CCDC88C: variants seen among roughly 807,000 people sequenced by gnomAD.
CCDC88C encodes the protein coiled-coil and HOOK domain protein 88C.
A neutral mutation model predicts 198.8 loss-of-function variants in CCDC88C; 131 were observed. The observed-to-expected ratio is 0.66, with a 90% CI of 0.57 to 0.76. The LOEUF is 0.76. CCDC88C is among the 30% of genes least tolerant of loss of function. The pLI, the probability that CCDC88C is intolerant of heterozygous loss-of-function variation, is 0.00. For missense variants in CCDC88C, 2,553 were observed against 2,631.6 expected, an observed-to-expected ratio of 0.97 and a Z score of 0.65; for synonymous variants, 1,166 against 1,114.7, an observed-to-expected ratio of 1.05 and a Z score of -0.92.
chr14:91,393,916 C>T (rs769419233), intron 3 of CCDC88C, among the ~76,000 whole-genome samples: 1 of 152,170 alleles, frequency 6.6e-6, no homozygotes, highest in Non-Finnish European at 1.5e-5. Flanking sequence ...AAATTCTCAC[C>T]CTAAAAACAG....
In CCDC88C at chr14:91,280,711, T is replaced by A. The variant is rs148203854; in HGVS notation, c.4699+746A>T. Among the ~76,000 whole-genome samples, 230 of 152,306 alleles carry A rather than the reference T, an allele frequency of 1.5e-3. 1 individual carries two copies. Among genetic ancestry groups the A allele is most frequent in the African/African-American group, 5.3e-3 (222 of 41,560 alleles). ...ATGCACCCAGCACACGAGGCAGATT[T>A]CTTCTGTTGGATTAGCCTCCACTCA... On this transcript the variant is annotated intron_variant, in intron 27 of 29. Coordinates refer to ENST00000389857, the MANE Select transcript of CCDC88C (RefSeq NM_001080414.4).
chr14:91,362,181 C>T (rs1230627306), intron 3 of CCDC88C, among the ~76,000 whole-genome samples: 1 of 151,578 alleles, frequency 6.6e-6, no homozygotes, highest in East Asian at 1.9e-4. Context: ...TCGCAGGGAG[C>T]CGAGATCGCA....
Position 91,338,296 on chromosome 14 carries a change from A to G in CCDC88C, c.892-133T>C. On this transcript the variant is annotated intron_variant, in intron 9 of 29. Coordinates refer to ENST00000389857, the MANE Select transcript of CCDC88C (RefSeq NM_001080414.4). This position sits in a 1 kb window ranked among gnomAD's most constrained non-coding sequence, Gnocchi z 4.8. ...CAGCTCCTGGTGGCCGGGGGCCTCC[A>G]TGTGCCACCACCACACGGGATCTCC... is the stretch of plus-strand genomic sequence containing the variant. 3.6e-6 allele frequency: 4 copies of G among 1,115,952 alleles called. No individual in the cohort carries two copies. The highest frequency in any genetic ancestry group is 5.1e-6 in the Non-Finnish European group (4 of 777,462). 69.1% of individuals were successfully genotyped at this position (1,115,952 alleles called of 1,614,324 possible). A position where few individuals can be genotyped will look rare whatever the true frequency, so the allele number is the denominator to read the frequency against.
At chr14:91,330,992 G>A (rs1050569804) in intron 10 of CCDC88C, among the ~76,000 whole-genome samples, 1 of 151,944 alleles carries the variant, frequency 6.6e-6, no homozygotes, top group African/African-American at 2.4e-5. Context: ...CCAGGAGTGG[G>A]GAGAGTGGAA....
rs938946144 is a variant in CCDC88C at position 91,338,429 on chromosome 14, G to A, written c.891+60C>T. ...TTGAGCTCCTGACCCTCCAGGCCCC[G>A]TTACTGGACACTCCAGCCCTGCTAC... On this transcript the variant is annotated intron_variant, in intron 9 of 29. Coordinates refer to ENST00000389857, the MANE Select transcript of CCDC88C (RefSeq NM_001080414.4). This position sits in a 1 kb window ranked among gnomAD's most constrained non-coding sequence, Gnocchi z 4.8. 10 of 1,431,890 alleles carry A rather than the reference G, an allele frequency of 7.0e-6. No individual in the cohort carries two copies. Among genetic ancestry groups the A allele is most frequent in the East Asian group, 2.5e-5 (1 of 40,360 alleles). 88.7% of individuals were successfully genotyped at this position (1,431,890 alleles called of 1,614,324 possible).
At chr14:91,342,572 TCTC>T in intron 5 of CCDC88C, 109 bp from the exon 6 acceptor site, 2 of 739,500 alleles carry the variant, frequency 2.7e-6, no homozygotes, top group African/African-American at 1.7e-5. Flanking sequence ...ACCCCGGGCT[TCTC>T]CTTCATAACT....
chr14:91,388,552 C>A (rs185861843), intron 3 of CCDC88C, among the ~76,000 whole-genome samples: 2 of 152,322 alleles, frequency 1.3e-5, no homozygotes, highest in East Asian at 1.9e-4. Context: ...CAGCCTTGAG[C>A]AGACGGTGAC....
intron 23 of CCDC88C, among the ~76,000 whole-genome samples, chr14:91,291,453 A>G (rs1890654634): frequency 6.6e-6 from 1 of 152,188 alleles, no homozygotes; most frequent in Non-Finnish European, 1.5e-5. Context: ...CGCAGTGGTG[A>G]CGGGGCGGGG....
rs1426106857 is a variant in CCDC88C at position 91,313,452 on chromosome 14, C to T, written c.2364G>A (p.Glu788=). 2 of 1,607,696 alleles carry T rather than the reference C, an allele frequency of 1.2e-6. No individual in the cohort carries two copies. The highest frequency in any genetic ancestry group is 1.7e-6 in the Non-Finnish European group (2 of 1,179,626). The part of the protein sequence containing the change: ...SSHKTQTLES[E]LGELEAERQA... ...GGCGCTCAGCCTCCAGCTCGCCCAG[C>T]TCACTCTCCAAGGTCTGCGTCTTGT... The change falls in exon 15 of 30, where the codon GAG becomes GAA. Residue 788 remains glutamate (E), a synonymous_variant. Coordinates refer to ENST00000389857, the MANE Select transcript of CCDC88C (RefSeq NM_001080414.4). This position sits in a 1 kb window ranked among gnomAD's most constrained non-coding sequence, Gnocchi z 5.2.
At chr14:91,303,559 T>A in intron 20 of CCDC88C, 142 bp downstream of exon 20, 1 of 405,734 alleles carries the variant, frequency 2.5e-6, no homozygotes, top group Non-Finnish European at 3.5e-6. Context: ...ACCCATCTCC[T>A]CCAGGCTCCA....
At chr14:91,376,161 G>C (rs947265110) in intron 3 of CCDC88C, among the ~76,000 whole-genome samples, 33 of 152,086 alleles carry the variant, frequency 2.2e-4, no homozygotes, top group Non-Finnish European at 5.9e-5. Flanking sequence ...CTGCCCCCCA[G>C]GACAGGGTGA....
intron 4 of CCDC88C, 82 bp from the exon 5 acceptor site, chr14:91,343,739 G>T: frequency 6.5e-7 from 1 of 1,530,040 alleles, no homozygotes. Context: ...GGAAAAAACA[G>T]ATAAAAAAAA....
intron 10 of CCDC88C, among the ~76,000 whole-genome samples, chr14:91,328,735 G>A (rs1596075928): frequency 6.6e-6 from 1 of 152,172 alleles, no homozygotes; most frequent in Non-Finnish European, 1.5e-5. Flanking sequence ...CGCGGAGCTC[G>A]GATGATGCGT....
rs763181039 is a variant in CCDC88C at position 91,273,258 on chromosome 14, T to C, written c.5454A>G (p.Pro1818=). Reference sequence around the variant, plus strand: ...GAGGGGACTCCTGTTTGCAGGCCTCTGGCCCGCTGGCCCGGAGAAGGTCAG... The same window carrying C: ...GAGGGGACTCCTGTTTGCAGGCCTCCGGCCCGCTGGCCCGGAGAAGGTCAG... ...ASADLLRASG[P]EACKQESPQK... Residue 1818 remains proline (P), a synonymous_variant, in exon 30 of 30, where the codon CCA becomes CCG. Coordinates refer to ENST00000389857, the MANE Select transcript of CCDC88C (RefSeq NM_001080414.4). The surrounding 1 kb of genome is among the most constrained non-coding windows in gnomAD (Gnocchi z 5.6). 2 of 1,557,804 alleles carry C rather than the reference T, an allele frequency of 1.3e-6. No homozygotes were observed. The highest frequency in any genetic ancestry group is 2.4e-5 in the South Asian group (2 of 84,816).
At chr14:91,312,022 TAATAAA>T (rs1891852309) in intron 15 of CCDC88C, among the ~76,000 whole-genome samples, 1 of 151,856 alleles carries the variant, frequency 6.6e-6, no homozygotes, top group African/African-American at 2.4e-5. Context: ...ATTTAAAAAA[TAATAAA>T]AATAAAATAG....
In CCDC88C at chr14:91,277,662, T is replaced by TGGCCACGCACCCTTGGTGCG. The variant is rs1890019801; in HGVS notation, c.5058+240_5058+259dup. On this transcript the variant is annotated intron_variant, in intron 29 of 29. Coordinates refer to ENST00000389857, the MANE Select transcript of CCDC88C (RefSeq NM_001080414.4). The stretch of plus-strand genomic sequence containing the variant: ...GATCCTAGCCCTGTAAGTCAGGTGC[T>TGGCCACGCACCCTTGGTGCG]GGCCACGCACCCTTGGTGCGGGCCA... Among the ~76,000 whole-genome samples the TGGCCACGCACCCTTGGTGCG allele has an allele frequency of 2.6e-5, 4 of 152,356 alleles. No homozygotes were observed. The South Asian group carries it at 8.3e-4, about 32-fold the overall frequency.
Position 91,352,605 on chromosome 14 carries a change from C to T in CCDC88C, c.340+7037G>A, listed in dbSNP as rs945963535. Among the ~76,000 whole-genome samples the T allele has an allele frequency of 2.0e-5, 3 of 152,170 alleles. No homozygotes were observed. The highest frequency in any genetic ancestry group is 1.3e-4 in the Admixed American group (2 of 15,282). ...TCTTATTTCTTCCCTCCCATTCAAA[C>T]GCCCAAAACGTTTTGCAAATATGAA... is the stretch of plus-strand genomic sequence containing the variant. On this transcript the variant is annotated intron_variant, in intron 4 of 29. Transcript: ENST00000389857. This position sits in a 1 kb window ranked among gnomAD's most constrained non-coding sequence, Gnocchi z 4.2.
At chr14:91,345,867 C>T (rs1386819434) in intron 4 of CCDC88C, among the ~76,000 whole-genome samples, 2 of 152,094 alleles carry the variant, frequency 1.3e-5, no homozygotes, top group African/African-American at 4.8e-5. Flanking sequence ...TACTCTGTCT[C>T]CAAGCCTCAG....
chr14:91,376,738 C>A (rs560904717), intron 3 of CCDC88C, among the ~76,000 whole-genome samples: 15 of 152,318 alleles, frequency 9.8e-5, no homozygotes, highest in African/African-American at 3.1e-4. Context: ...ATGGGGGCCA[C>A]GCACCCCCAG....
Sources: gnomAD v4.1 joint callset for allele counts (sites outside exome capture counted in the v4.1 genomes callset) on GRCh38, gnomAD v4.1.1 for gene constraint, Gnocchi (gnomAD v3.1) non-coding constraint, MANE v1.5 for transcripts, NCBI Gene and HGNC (gene_info 2026-07-23, HGNC 2026-07-21) for gene names.